ANKRD33B: variants seen among roughly 807,000 people sequenced by gnomAD.
ANKRD33B encodes the protein ankyrin repeat domain-containing protein 33B.
Under a neutral mutation model 21.5 loss-of-function variants are expected in ANKRD33B, and 6 were observed. The ratio of observed to expected loss-of-function variants is 0.28; its 90% confidence interval spans 0.15 to 0.55. The LOEUF is 0.55. Ranked by LOEUF, ANKRD33B falls within the 20% of genes least tolerant of loss-of-function variation. The probability of loss-of-function intolerance (pLI) is 0.94; values close to 1 mark genes in which losing one functional copy is unlikely to be tolerated. For synonymous variants in ANKRD33B, 347 were observed against 342.4 expected (o/e 1.01, Z -0.15); for missense variants, 698 against 747.2 (o/e 0.93, Z 0.77).
rs1236563657 is a variant in ANKRD33B, at chr5:10,657,238, A to C, written c.*7125A>C. On this transcript the variant is annotated 3_prime_UTR_variant, in exon 4 of 4. Transcript: ENST00000296657. ...TGAATTTGAAAATAATACCCCATTCAGATGAACATTAAAAGCCAATGTACT... is the reference window on the plus strand; with the variant it reads ...TGAATTTGAAAATAATACCCCATTCCGATGAACATTAAAAGCCAATGTACT... 6.6e-6 allele frequency: 1 copy of C among 152,406 alleles called. No individual in the cohort carries two copies. Among genetic ancestry groups the C allele is most frequent in the Non-Finnish European group, 1.5e-5 (1 of 68,046 alleles). 9.4% of individuals were successfully genotyped at this position (152,406 alleles called of 1,614,324 possible).
chr5:10,618,297 C>T, intron 1 of ANKRD33B, 36 bp from the exon 2 acceptor site: 1 of 1,535,964 alleles, frequency 6.5e-7, no homozygotes, highest in Non-Finnish European at 8.7e-7. Context: ...TGCTCCGACT[C>T]TGCCCCTCTG....
intron 2 of ANKRD33B, among the ~76,000 whole-genome samples, chr5:10,625,823 G>A (rs1340111371): frequency 6.6e-6 from 1 of 152,232 alleles, no homozygotes; most frequent in East Asian, 1.9e-4. Flanking sequence ...TTTGGATCTG[G>A]GGTGCATCTC....
chr5:10,568,679 C>T lies in ANKRD33B; in HGVS notation c.366+3846C>T, dbSNP rs185594241. On this transcript the variant is annotated intron_variant, in intron 1 of 3. Transcript: ENST00000296657. ...CTTCCCACATACCTGGGATTACAGG[C>T]GTGCGCCACCACGCCCGGCTAATTT... 4.0e-3 allele frequency among the ~76,000 whole-genome samples: 611 copies of T among 152,336 alleles called. 4 individuals are homozygous for T. Among genetic ancestry groups the T allele is most frequent in the African/African-American group, 0.013 (560 of 41,570 alleles).
intron 1 of ANKRD33B, among the ~76,000 whole-genome samples, chr5:10,590,419 A>G (rs1002130374): frequency 2.0e-5 from 3 of 152,210 alleles, no homozygotes; most frequent in Non-Finnish European, 4.4e-5. Context: ...CTTGTAGGAT[A>G]TAGCCCTTTT....
rs530455351 is a variant in ANKRD33B at position 10,618,259 on chromosome 5, C to T, written c.367-74C>T. 3.0e-5 allele frequency: 46 copies of T among 1,528,132 alleles called. No individual in the cohort carries two copies. In the Admixed American group the frequency reaches 4.9e-4, roughly 16 times the overall value. 94.7% of individuals were successfully genotyped at this position (1,528,132 alleles called of 1,614,324 possible). ...AGCCCCCTGGAGGGTAGTGGGTGCC[C>T]CTCGGGGTCCCCAGTGCTGACCCAC... On this transcript the variant is annotated intron_variant, in intron 1 of 3. Transcript: ENST00000296657.
In ANKRD33B at chr5:10,619,582, G is replaced by A. The variant is rs868309985; in HGVS notation, c.496+1120G>A. On this transcript the variant is annotated intron_variant, in intron 2 of 3. Transcript: ENST00000296657. The surrounding 1 kb of genome is among the most constrained non-coding windows in gnomAD (Gnocchi z 4.5). ...GGGCACCCTACTTTTCAATCAAGAC[G>A]AATAGAGTGGGGGAACTCTTCAAAC... 3.3e-5 allele frequency among the ~76,000 whole-genome samples: 5 copies of A among 152,154 alleles called. No individual in the cohort carries two copies. Among genetic ancestry groups the A allele is most frequent in the Non-Finnish European group, 5.9e-5 (4 of 68,036 alleles).
Position 10,656,444 on chromosome 5 carries a change from C to T in ANKRD33B, c.*6331C>T, listed in dbSNP as rs1043358296. The T allele has an allele frequency of 6.6e-6, 1 of 150,966 alleles. No individual in the cohort carries two copies. The highest frequency in any genetic ancestry group is 1.5e-5 in the Non-Finnish European group (1 of 67,414). The allele number at this position is 150,966 out of a possible 1,614,324, so 9.4% of individuals were successfully genotyped here. ...GCGAGCACATGTATGTGTACTCATA[C>T]ATCCAGATGAACTAAAGGGACACTG... On this transcript the variant is annotated 3_prime_UTR_variant, in exon 4 of 4. Coordinates refer to ENST00000296657, the MANE Select transcript of ANKRD33B (RefSeq NM_001164440.2).
chr5:10,601,039 C>T lies in ANKRD33B; in HGVS notation c.367-17294C>T, dbSNP rs144345700. The stretch of plus-strand genomic sequence containing the variant: ...GCCCAGAATGTCATGTGGAAGCCAC[C>T]GCCCTGACAGCTATGAGTCAGACAG... On this transcript the variant is annotated intron_variant, in intron 1 of 3. Coordinates refer to ENST00000296657, the MANE Select transcript of ANKRD33B (RefSeq NM_001164440.2). Among the ~76,000 whole-genome samples, 463 of 152,214 alleles carry T rather than the reference C, an allele frequency of 3.0e-3. 3 individuals are homozygous for T. The highest frequency in any genetic ancestry group is 6.8e-3 in the Middle Eastern group (2 of 294).
chr5:10,649,424 C>T lies in ANKRD33B; in HGVS notation c.796C>T (p.Pro266Ser). 6.5e-7 allele frequency: 1 copy of T among 1,535,396 alleles called. No individual in the cohort carries two copies. Among genetic ancestry groups the T allele is most frequent in the Non-Finnish European group, 8.7e-7 (1 of 1,146,506 alleles). The stretch of plus-strand genomic sequence containing the variant: ...GAAGTACCGGCCCGAGCTGCCGCCG[C>T]CCCCTGAAGCGGCGCGGAAGCCCGC... ...WEKYRPELPPPPEAARKPAGS... is the reference protein window; with the variant it reads ...WEKYRPELPPSPEAARKPAGS... Residue 266 changes from proline (P) to serine (S), a missense_variant, in exon 4 of 4, where the codon CCC (proline) becomes TCC (serine). Coordinates refer to ENST00000296657, the MANE Select transcript of ANKRD33B (RefSeq NM_001164440.2).
chr5:10,578,783 T>C (rs756775437), intron 1 of ANKRD33B, among the ~76,000 whole-genome samples: 86 of 152,176 alleles, frequency 5.7e-4, no homozygotes, highest in Non-Finnish European at 9.7e-4. Flanking sequence ...TGAGTTAATT[T>C]TGAAAAACCC....
In ANKRD33B at chr5:10,598,552, T is replaced by C. The variant is rs187340371; in HGVS notation, c.367-19781T>C. Among the ~76,000 whole-genome samples, 988 of 152,154 alleles carry C rather than the reference T, an allele frequency of 6.5e-3. 9 individuals are homozygous for C. Among genetic ancestry groups the C allele is most frequent in the African/African-American group, 0.022 (932 of 41,518 alleles). On this transcript the variant is annotated intron_variant, in intron 1 of 3. Coordinates refer to ENST00000296657, the MANE Select transcript of ANKRD33B (RefSeq NM_001164440.2). ...AAAGTGCTGGGATTATAGGCGTGAG[T>C]CACTGTGTCTGGCCATGATTTTTGT...
rs1737450785 is a variant in ANKRD33B at position 10,655,032 on chromosome 5, A to G, written c.*4919A>G. On this transcript the variant is annotated 3_prime_UTR_variant, in exon 4 of 4. Transcript: ENST00000296657. The stretch of plus-strand genomic sequence containing the variant: ...GAGACCTCAGGACTATGGAGATCAG[A>G]ATTGTAATGGCTTTGTCATCTCAGT... 1 of 152,350 alleles carries G rather than the reference A, an allele frequency of 6.6e-6. No homozygotes were observed. Among genetic ancestry groups the G allele is most frequent in the Admixed American group, 6.5e-5 (1 of 15,288 alleles). 9.4% of individuals were successfully genotyped at this position (152,350 alleles called of 1,614,324 possible).
chr5:10,607,238 A>C (rs951823103), intron 1 of ANKRD33B, among the ~76,000 whole-genome samples: 2 of 152,216 alleles, frequency 1.3e-5, no homozygotes, highest in African/African-American at 4.8e-5. Flanking sequence ...TTAAAATAAC[A>C]AAGGTTTGCC....
At chr5:10,614,657 T>C (rs377366758) in intron 1 of ANKRD33B, among the ~76,000 whole-genome samples, 135 of 151,852 alleles carry the variant, frequency 8.9e-4, no homozygotes, top group African/African-American at 2.9e-3. Flanking sequence ...GAGGCTGAGG[T>C]GGGTGGATCA....
At position 10,646,421 on chromosome 5, in the gene ANKRD33B, G is replaced by A. The variant is rs138310470; in HGVS notation, c.638-2845G>A. Among the ~76,000 whole-genome samples, 419 of 152,314 alleles carry A rather than the reference G, an allele frequency of 2.8e-3. 1 individual carries two copies. Among genetic ancestry groups the A allele is most frequent in the African/African-American group, 9.4e-3 (390 of 41,558 alleles). On this transcript the variant is annotated intron_variant, in intron 3 of 3. Transcript: ENST00000296657. The stretch of plus-strand genomic sequence containing the variant: ...CCCTTTACAGTTGCTTCCTAAGGCA[G>A]CAGATCCCTAATTTATAGCATGACT...
rs185465490 is a variant in ANKRD33B at position 10,579,462 on chromosome 5, G to A, written c.366+14629G>A. On this transcript the variant is annotated intron_variant, in intron 1 of 3. Transcript: ENST00000296657. ...AATTTTGAAATTCTGTATTTTGAAT[G>A]TCTTTCCACTTGCAGAAGAGGTATG... Among the ~76,000 whole-genome samples, 15 of 151,820 alleles carry A rather than the reference G, an allele frequency of 9.9e-5. No homozygotes were observed. The East Asian group carries it at 2.9e-3, about 29-fold the overall frequency.
intron 1 of ANKRD33B, among the ~76,000 whole-genome samples, chr5:10,596,762 G>T (rs1003604694): frequency 6.6e-6 from 1 of 152,094 alleles, no homozygotes; most frequent in African/African-American, 2.4e-5. Context: ...CTCCAAGGTT[G>T]AAATGAAAGA....
At chr5:10,581,455 G>A (rs899071401) in intron 1 of ANKRD33B, among the ~76,000 whole-genome samples, 6 of 152,304 alleles carry the variant, frequency 3.9e-5, no homozygotes, top group South Asian at 4.1e-4. Context: ...CCCTGGATCC[G>A]GGAGCCTCTT....
Position 10,614,049 on chromosome 5 carries a change from A to G in ANKRD33B, c.367-4284A>G, listed in dbSNP as rs1434606971. ...TGTATAAACATATATGTAGAGAAGG[A>G]GAGAGATTTGAGGAACTGGCGTGTG... On this transcript the variant is annotated intron_variant, in intron 1 of 3. Coordinates refer to ENST00000296657, the MANE Select transcript of ANKRD33B (RefSeq NM_001164440.2). 2.0e-5 allele frequency among the ~76,000 whole-genome samples: 3 copies of G among 150,778 alleles called. No homozygotes were observed. In the East Asian group the frequency reaches 5.8e-4, roughly 29 times the overall value.
Sources: allele counts gnomAD v4.1 joint callset (sites outside exome capture counted in the v4.1 genomes callset), GRCh38; gene constraint gnomAD v4.1.1; non-coding constraint Gnocchi (gnomAD v3.1); transcripts MANE v1.5; gene names NCBI Gene and HGNC (gene_info 2026-07-23, HGNC 2026-07-21).